The following CSMD1 variants were observed in gnomAD, a reference collection of about 807,000 sequenced individuals.
CSMD1 encodes the protein CUB and Sushi multiple domains 1, also known as CUB and sushi domain-containing protein 1.
Under a neutral mutation model 417.5 loss-of-function variants are expected in CSMD1, and 213 were observed. That is an observed-to-expected ratio of 0.51 (90% CI 0.46 to 0.57). The LOEUF is 0.57. Ranked by LOEUF, CSMD1 falls within the 20% of genes least tolerant of loss-of-function variation. CSMD1 has a pLI of 0.00. For missense variants in CSMD1, 6,923 were observed against 4,529.7 expected (o/e 1.53, Z -15.17); for synonymous variants, 2,862 against 1,736.8 (o/e 1.65, Z -16.11).
chr8:3,677,107 C>T (rs181595732), intron 7 of CSMD1, among the ~76,000 whole-genome samples: 63 of 152,114 alleles, frequency 4.1e-4, no homozygotes, highest in African/African-American at 1.3e-3. Context: ...AACCATGACA[C>T]ATGTAGTTCT....
At chr8:4,041,547 A>C (rs1372485611) in intron 3 of CSMD1, among the ~76,000 whole-genome samples, 1 of 152,182 alleles carries the variant, frequency 6.6e-6, no homozygotes, top group Non-Finnish European at 1.5e-5. Context: ...GGAATACAAA[A>C]ATATTCAGCA....
At chr8:3,830,159 G>C (rs1434310439) in intron 5 of CSMD1, among the ~76,000 whole-genome samples, 1 of 152,146 alleles carries the variant, frequency 6.6e-6, no homozygotes, top group East Asian at 1.9e-4. Context: ...ATGCTCCAGA[G>C]TTTCTCTTCC....
chr8:4,699,229 T>G (rs767673423), intron 1 of CSMD1, among the ~76,000 whole-genome samples: 1 of 152,228 alleles, frequency 6.6e-6, no homozygotes, highest in Non-Finnish European at 1.5e-5. Flanking sequence ...TTCCTTTGCT[T>G]AAAGGATAAC....
intron 1 of CSMD1, among the ~76,000 whole-genome samples, chr8:4,801,292 A>G (rs1798268796): frequency 6.6e-6 from 1 of 152,130 alleles, no homozygotes; most frequent in South Asian, 2.1e-4. Flanking sequence ...AAAATGAAAT[A>G]TGAAGTATCA....
chr8:4,332,824 C>T (rs926072956), intron 3 of CSMD1, among the ~76,000 whole-genome samples: 2 of 151,674 alleles, frequency 1.3e-5, no homozygotes, highest in African/African-American at 4.9e-5. Context: ...TTCAGGGAAA[C>T]TTTATTTAGC....
chr8:3,511,484 T>C (rs780850260), intron 10 of CSMD1, among the ~76,000 whole-genome samples: 1 of 151,660 alleles, frequency 6.6e-6, no homozygotes, highest in South Asian at 2.1e-4. Flanking sequence ...GCCAGGCACG[T>C]TGGCTCACGG....
chr8:4,277,308 A>C (rs532660993), intron 3 of CSMD1, among the ~76,000 whole-genome samples: 65 of 152,186 alleles, frequency 4.3e-4, no homozygotes, highest in Non-Finnish European at 7.2e-4. Flanking sequence ...AAATCCACTG[A>C]AGGGAACGGG....
intron 6 of CSMD1, among the ~76,000 whole-genome samples, chr8:3,717,357 G>A (rs1801897927): frequency 6.6e-6 from 1 of 151,948 alleles, no homozygotes; most frequent in Admixed American, 6.6e-5. Context: ...ATTAATATTA[G>A]TCCCACTATA....
At chr8:4,574,617 C>T (rs1393652715) in intron 2 of CSMD1, among the ~76,000 whole-genome samples, 1 of 152,262 alleles carries the variant, frequency 6.6e-6, no homozygotes, top group South Asian at 2.1e-4. Context: ...ATTTATGTGT[C>T]CATGAATACA....
rs1226212623 is a variant in CSMD1 at position 4,447,831 on chromosome 8, A to C, written c.303-27766T>G. ...ACTAAGAAGTCACAACGTTTCAAAGATTTAAGTGATAAACTTAAAAAAGTG... is the reference window on the plus strand; with the variant it reads ...ACTAAGAAGTCACAACGTTTCAAAGCTTTAAGTGATAAACTTAAAAAAGTG... On this transcript the variant is annotated intron_variant, in intron 2 of 69. Transcript: ENST00000635120. 2.6e-5 allele frequency among the ~76,000 whole-genome samples: 4 copies of C among 152,210 alleles called. No homozygotes were observed. In the East Asian group the frequency reaches 7.7e-4, roughly 29 times the overall value.
intron 1 of CSMD1, among the ~76,000 whole-genome samples, chr8:4,877,320 T>C (rs1000630358): frequency 6.6e-6 from 1 of 152,108 alleles, no homozygotes; most frequent in South Asian, 2.1e-4. Context: ...TTAAAAATTT[T>C]ACATTAATCA....
At chr8:3,208,294 T>C (rs1296890408) in intron 30 of CSMD1, among the ~76,000 whole-genome samples, 1 of 152,178 alleles carries the variant, frequency 6.6e-6, no homozygotes, top group Non-Finnish European at 1.5e-5. Context: ...GAACATCTTC[T>C]GATCGCTCTG....
intron 3 of CSMD1, among the ~76,000 whole-genome samples, chr8:4,236,486 C>T (rs1802071977): frequency 6.6e-6 from 1 of 152,016 alleles, no homozygotes; most frequent in Non-Finnish European, 1.5e-5. Flanking sequence ...TATTCATGGG[C>T]CAGAGTAGGA....
rs549181814 is a variant in CSMD1, at chr8:3,678,185, G to C, written c.1009+30229C>G. Among the ~76,000 whole-genome samples the C allele has an allele frequency of 1.2e-3, 188 of 152,296 alleles. 3 individuals are homozygous for C. The highest frequency in any genetic ancestry group is 4.3e-3 in the African/African-American group (178 of 41,560). On this transcript the variant is annotated intron_variant, in intron 7 of 69. Coordinates refer to ENST00000635120, the MANE Select transcript of CSMD1 (RefSeq NM_033225.6). ...ACCAGCAACAGAACAAAGCTGGACG[G>C]AGAATGACTTTGATGAGCTGAGAGA... is the stretch of plus-strand genomic sequence containing the variant.
At chr8:3,020,108 G>C (rs1809235191) in intron 51 of CSMD1, among the ~76,000 whole-genome samples, 1 of 152,208 alleles carries the variant, frequency 6.6e-6, no homozygotes, top group African/African-American at 2.4e-5. Context: ...GGTTCTGCCA[G>C]ACAGGAGCCA....
At chr8:4,442,874 G>C (rs534549325) in intron 2 of CSMD1, among the ~76,000 whole-genome samples, 12 of 152,188 alleles carry the variant, frequency 7.9e-5, no homozygotes, top group Admixed American at 6.5e-4. Context: ...AAATTAATGA[G>C]ATTGCTTGTT....
At chr8:3,837,255 T>C (rs903511139) in intron 5 of CSMD1, among the ~76,000 whole-genome samples, 9 of 152,146 alleles carry the variant, frequency 5.9e-5, no homozygotes, top group Admixed American at 2.0e-4. Context: ...ATTCAACCCT[T>C]TGTAATATCA....
At chr8:3,108,061 G>A (rs931809755) in intron 44 of CSMD1, among the ~76,000 whole-genome samples, 2 of 152,190 alleles carry the variant, frequency 1.3e-5, no homozygotes, top group East Asian at 1.9e-4. Flanking sequence ...ACACTTTACA[G>A]ATGTTTGGAA....
chr8:4,148,983 G>C (rs896765457), intron 3 of CSMD1, among the ~76,000 whole-genome samples: 1 of 143,066 alleles, frequency 7.0e-6, no homozygotes. Flanking sequence ...TTTTTTTTGA[G>C]ATGGAGTTTC....
Sources: gnomAD v4.1 joint callset for allele counts (sites outside exome capture counted in the v4.1 genomes callset) on GRCh38, gnomAD v4.1.1 for gene constraint, MANE v1.5 for transcripts, NCBI Gene and HGNC (gene_info 2026-07-23, HGNC 2026-07-21) for gene names.